The following DNMT3A variants were observed in gnomAD, a reference collection of about 807,000 sequenced individuals.
DNMT3A encodes DNA methyltransferase 3 alpha.
DNMT3A carries 267 observed loss-of-function variants against 117.6 expected under a neutral mutation model. That is an observed-to-expected ratio of 2.27 (90% CI 2.05 to 2.51). DNMT3A has a LOEUF of 2.51. DNMT3A is among the 30% of genes most tolerant of loss of function. The probability of loss-of-function intolerance (pLI) is 0.00; values close to 1 mark genes in which losing one functional copy is unlikely to be tolerated. For missense variants in DNMT3A, 1,029 were observed against 1,260.2 expected (o/e 0.82, Z 2.78); for synonymous variants, 432 against 474.8 (o/e 0.91, Z 1.17).
intron 1 of DNMT3A, among the ~76,000 whole-genome samples, chr2:25,331,073 C>T (rs1001403814): frequency 1.3e-5 from 2 of 152,178 alleles, no homozygotes; most frequent in Non-Finnish European, 2.9e-5. Context: ...GTCCAAGAAG[C>T]AATGCTCAAA....
At position 25,281,381 on chromosome 2, in the gene DNMT3A, C is replaced by T. The variant is rs2031876812; in HGVS notation, c.448+1060G>A. ...ATAAAACAACTAATACAGATTCCCT[C>T]TGTAGTGTTCTGCACATAGTGGGAG... On this transcript the variant is annotated intron_variant, in intron 4 of 22. Transcript: ENST00000321117. This position sits in a 1 kb window ranked among gnomAD's most constrained non-coding sequence, Gnocchi z 4.8. 2.1e-6 allele frequency: 2 copies of T among 954,246 alleles called. No homozygotes were observed. The highest frequency in any genetic ancestry group is 4.9e-5 in the South Asian group (1 of 20,316). The allele number at this position is 954,246 out of a possible 1,614,324, so 59.1% of individuals were successfully genotyped here.
chr2:25,246,620 CT>C lies in DNMT3A; in HGVS notation c.1278del (p.Glu427LysfsTer224). 1 of 1,608,854 alleles carries C rather than the reference CT, an allele frequency of 6.2e-7. No homozygotes were observed. Among genetic ancestry groups the C allele is most frequent in the Non-Finnish European group, 8.5e-7 (1 of 1,177,322 alleles). On this transcript the variant is annotated frameshift_variant and splice_region_variant, in exon 10 of 23. Transcript: ENST00000321117. LOFTEE classifies it high-confidence loss of function. ...PSGPKGLEPP[E>X]EEKNPYKEVY... ...CAGAAAGCTGGGTGCCCTCATTTAC[CT>C]TCTGGTGGCTCCAGGCCCTTAGGGC...
intron 6 of DNMT3A, among the ~76,000 whole-genome samples, chr2:25,255,058 C>G (rs747119231): frequency 6.6e-6 from 1 of 152,226 alleles, no homozygotes; most frequent in Admixed American, 6.5e-5. Flanking sequence ...AAGGTGTCCC[C>G]TTAACAACCC....
rs367544298 is a variant in DNMT3A at position 25,274,815 on chromosome 2, A to AC, written c.639+125_639+126insG. The AC allele has an allele frequency of 0.51, 701,934 of 1,381,958 alleles. 181,923 individuals carry two copies. Among genetic ancestry groups the AC allele is most frequent in the Non-Finnish European group, 0.53 (552,739 of 1,033,900 alleles). 85.6% of individuals were successfully genotyped at this position (1,381,958 alleles called of 1,614,324 possible). ...TGAAGGAGCAGATGAACCAGTCATC[A>AC]TGACTAGAGATTAAGAGGCTCCCAG... On this transcript the variant is annotated intron_variant, in intron 6 of 22. Coordinates refer to ENST00000321117, the MANE Select transcript of DNMT3A (RefSeq NM_022552.5).
Position 25,234,174 on chromosome 2 carries a change from C to T in DNMT3A, c.*105G>A. The T allele has an allele frequency of 6.8e-7, 1 of 1,479,592 alleles. No homozygotes were observed. Among genetic ancestry groups the T allele is most frequent in the Non-Finnish European group, 9.0e-7 (1 of 1,107,490 alleles). The allele number at this position is 1,479,592 out of a possible 1,614,324, so 91.7% of individuals were successfully genotyped here. ...TAAATTCCTTTTTCTCTTCTGGGTGCTGATACTTCTCTCCATCCTCATGTT... is the reference window on the plus strand; with the variant it reads ...TAAATTCCTTTTTCTCTTCTGGGTGTTGATACTTCTCTCCATCCTCATGTT... On this transcript the variant is annotated 3_prime_UTR_variant, in exon 23 of 23. Transcript: ENST00000321117. The surrounding 1 kb of genome is among the most constrained non-coding windows in gnomAD (Gnocchi z 4.5).
In DNMT3A at chr2:25,246,459, G is replaced by A. The variant is rs189798582; in HGVS notation, c.1280-150C>T. ...GGTTCTAGCCAACCAACAGAGAGCA[G>A]GTCATTCAAGTCCTGACCCCAGGGC... On this transcript the variant is annotated intron_variant, in intron 10 of 22. Transcript: ENST00000321117. 3.4e-5 allele frequency: 49 copies of A among 1,426,364 alleles called. No homozygotes were observed. In the African/African-American group the frequency reaches 6.7e-4, roughly 20 times the overall value. 88.4% of individuals were successfully genotyped at this position (1,426,364 alleles called of 1,614,324 possible). A position where few individuals can be genotyped will look rare whatever the true frequency, so the allele number is the denominator to read the frequency against.
At chr2:25,322,318 A>T (rs1216737996) in intron 1 of DNMT3A, among the ~76,000 whole-genome samples, 1 of 152,068 alleles carries the variant, frequency 6.6e-6, no homozygotes, top group African/African-American at 2.4e-5. Flanking sequence ...CCTTCTCTAT[A>T]AATAAGAGTG....
chr2:25,323,697 T>C (rs1236911253), intron 1 of DNMT3A, among the ~76,000 whole-genome samples: 2 of 152,196 alleles, frequency 1.3e-5, no homozygotes, highest in Non-Finnish European at 2.9e-5. Context: ...TTCTCTCCTT[T>C]CTTGAAATCC....
chr2:25,250,957 C>T (rs1415583876), intron 6 of DNMT3A, among the ~76,000 whole-genome samples: 1 of 152,226 alleles, frequency 6.6e-6, no homozygotes, highest in Non-Finnish European at 1.5e-5. Context: ...CCCTTTGTCT[C>T]TCAGCCCCTT....
At position 25,234,158 on chromosome 2, in the gene DNMT3A, T is replaced by G. The variant is rs764624026; in HGVS notation, c.*121A>C. The G allele has an allele frequency of 1.1e-5, 15 of 1,423,442 alleles. No homozygotes were observed. Among genetic ancestry groups the G allele is most frequent in the Non-Finnish European group, 1.4e-5 (15 of 1,078,622 alleles). 88.2% of individuals were successfully genotyped at this position (1,423,442 alleles called of 1,614,324 possible). On this transcript the variant is annotated 3_prime_UTR_variant, in exon 23 of 23. Transcript: ENST00000321117. This position sits in a 1 kb window ranked among gnomAD's most constrained non-coding sequence, Gnocchi z 4.5. ...TCTGTGGTTTTTGTTTTAAATTCCT[T>G]TTTCTCTTCTGGGTGCTGATACTTC...
intron 6 of DNMT3A, among the ~76,000 whole-genome samples, chr2:25,265,704 A>G (rs1014521851): frequency 6.6e-6 from 1 of 151,928 alleles, no homozygotes; most frequent in Non-Finnish European, 1.5e-5. Flanking sequence ...CTGTAATCCT[A>G]GCTACTTGGG....
At chr2:25,288,891 C>T (rs891775845) in intron 3 of DNMT3A, among the ~76,000 whole-genome samples, 2 of 152,132 alleles carry the variant, frequency 1.3e-5, no homozygotes, top group Non-Finnish European at 2.9e-5. Context: ...CCCCTCAGCC[C>T]CCTGTAGTTG....
At chr2:25,276,963 G>A (rs1215679845) in intron 4 of DNMT3A, among the ~76,000 whole-genome samples, 1 of 152,230 alleles carries the variant, frequency 6.6e-6, no homozygotes, top group East Asian at 1.9e-4. Flanking sequence ...ACTGGTTTTG[G>A]GCTGACCCCG....
At position 25,253,518 on chromosome 2, in the gene DNMT3A, G is replaced by A. The variant is rs1675836680; in HGVS notation, c.640-5266C>T. On this transcript the variant is annotated intron_variant, in intron 6 of 22. Transcript: ENST00000321117. ...ATGGGTAGGATGAGCAAGAGCTGCC[G>A]GGCTGGGGAGGGAGGAGACCCTCGC... Among the ~76,000 whole-genome samples, 3 of 152,200 alleles carry A rather than the reference G, an allele frequency of 2.0e-5. No individual in the cohort carries two copies. In the South Asian group the frequency reaches 6.2e-4, roughly 32 times the overall value.
Position 25,296,349 on chromosome 2 carries a change from G to A in DNMT3A, c.177+3790C>T, listed in dbSNP as rs573525519. Among the ~76,000 whole-genome samples, 12 of 152,132 alleles carry A rather than the reference G, an allele frequency of 7.9e-5. No individual in the cohort carries two copies. Among genetic ancestry groups the A allele is most frequent in the Non-Finnish European group, 1.3e-4 (9 of 68,018 alleles). On this transcript the variant is annotated intron_variant, in intron 3 of 22. Transcript: ENST00000321117. This position sits in a 1 kb window ranked among gnomAD's most constrained non-coding sequence, Gnocchi z 4.2. Reference sequence around the variant, plus strand: ...CAGGCTGTGGAACTGTGTAAGGGGCGGGCAGGAGGAATGGCTGGCTAGTGT... The same window carrying A: ...CAGGCTGTGGAACTGTGTAAGGGGCAGGCAGGAGGAATGGCTGGCTAGTGT...
chr2:25,271,627 C>G (rs1573396089), intron 6 of DNMT3A, among the ~76,000 whole-genome samples: 1 of 152,156 alleles, frequency 6.6e-6, no homozygotes, highest in Non-Finnish European at 1.5e-5. Flanking sequence ...CTCGGTAGCC[C>G]CAAGTCCCCT....
intron 1 of DNMT3A, 52 bp downstream of exon 1, chr2:25,341,774 C>T (rs1220659270): frequency 2.0e-6 from 2 of 975,626 alleles, no homozygotes; most frequent in Non-Finnish European, 1.2e-6. Context: ...CTCCCCGGCT[C>T]CCCGCCGCCT....
In DNMT3A at chr2:25,311,200, T is replaced by C. The variant is rs2034096713; in HGVS notation, c.72+2713A>G. 6.6e-6 allele frequency among the ~76,000 whole-genome samples: 1 copy of C among 151,820 alleles called. No homozygotes were observed. ...ATGGGGCCAGGCAGTGGAAGGGCCA[T>C]TGGTTGGCCACACCCCTTCCATCTG... is the stretch of plus-strand genomic sequence containing the variant. On this transcript the variant is annotated intron_variant, in intron 2 of 22. Coordinates refer to ENST00000321117, the MANE Select transcript of DNMT3A (RefSeq NM_022552.5). The surrounding 1 kb of genome is among the most constrained non-coding windows in gnomAD (Gnocchi z 5.2).
chr2:25,246,086 C>A (rs767372965), intron 11 of DNMT3A, 22 bp from the exon 12 acceptor site: 3 of 1,614,172 alleles, frequency 1.9e-6, no homozygotes, highest in Non-Finnish European at 2.5e-6. Flanking sequence ...GGAGAGCTGG[C>A]GTCAGAGGAG....
Sources: allele counts gnomAD v4.1 joint callset (sites outside exome capture counted in the v4.1 genomes callset), GRCh38; gene constraint gnomAD v4.1.1; non-coding constraint Gnocchi (gnomAD v3.1); transcripts MANE v1.5; gene names NCBI Gene and HGNC (gene_info 2026-07-23, HGNC 2026-07-21).